SLAMF7: variants seen among roughly 807,000 people sequenced by gnomAD.
The protein encoded by SLAMF7 is 19A24 protein.
In SLAMF7, 26 loss-of-function variants were observed where a neutral mutation model predicts 34.1. The observed-to-expected ratio is 0.76, with a 90% confidence interval of 0.56 to 1.06. The LOEUF is 1.06. Among genes scored for constraint, SLAMF7 ranks in the 50% least tolerant of loss-of-function variants. SLAMF7 has a pLI of 0.00. For missense variants in SLAMF7, 399 were observed against 402.5 expected (o/e 0.99, Z 0.07); for synonymous variants, 171 against 156.4 (o/e 1.09, Z -0.70).
intron 1 of SLAMF7, among the ~76,000 whole-genome samples, chr1:160,744,846 A>G (rs1056707368): frequency 2.0e-5 from 3 of 152,184 alleles, no homozygotes; most frequent in African/African-American, 7.2e-5. Flanking sequence ...GCATTAACTG[A>G]TCAAAATTTC....
Position 160,751,394 on chromosome 1 carries a change from C to G in SLAMF7, c.819C>G (p.Asn273Lys). ...KRVDICRETP[N>K]ICPHSGENTE... ...TGGACATTTGTCGGGAAACTCCTAACATATGCCCCCATTCTGGAGAGAACA... is the reference window on the plus strand; with the variant it reads ...TGGACATTTGTCGGGAAACTCCTAAGATATGCCCCCATTCTGGAGAGAACA... Residue 273 changes from asparagine to lysine, a missense_variant, in exon 5 of 7, where the codon AAC becomes AAG. Transcript: ENST00000368043. 6.2e-7 allele frequency: 1 copy of G among 1,613,976 alleles called. No homozygotes were observed. The highest frequency in any genetic ancestry group is 1.1e-5 in the South Asian group (1 of 91,076).
chr1:160,751,272 G>A (rs756957347), intron 4 of SLAMF7, 73 bp from the exon 5 acceptor site: 96 of 1,129,448 alleles, frequency 8.5e-5, no homozygotes, highest in Non-Finnish European at 1.2e-4. Context: ...GGTCATCCAG[G>A]AGAAATGGTG....
rs1350973512 is a variant in SLAMF7 at position 160,748,371 on chromosome 1, G to A, written c.233G>A (p.Arg78Lys). The A allele has an allele frequency of 6.2e-7, 1 of 1,614,088 alleles. No homozygotes were observed. Among genetic ancestry groups the A allele is most frequent in the Non-Finnish European group, 8.5e-7 (1 of 1,179,984 alleles). Residue 78 changes from arginine (R) to lysine (K), a missense_variant, in exon 2 of 7, where the codon AGG becomes AAG. Transcript: ENST00000368043. Reference sequence around the variant, plus strand: ...ATCATAGTGACCCAAAATCGTAATAGGGAGAGAGTAGACTTCCCAGATGGA... The same window carrying A: ...ATCATAGTGACCCAAAATCGTAATAAGGAGAGAGTAGACTTCCCAGATGGA... ...GTIIVTQNRN[R>K]ERVDFPDGGY...
intron 5 of SLAMF7, chr1:160,751,967 A>C: frequency 5.3e-6 from 2 of 379,398 alleles, no homozygotes; most frequent in Non-Finnish European, 9.6e-6. Flanking sequence ...AAAATAATGT[A>C]ATGGCTTCCT....
In SLAMF7 at chr1:160,753,411, A is replaced by C; in HGVS notation, c.*234A>C. The stretch of plus-strand genomic sequence containing the variant: ...AAGGTTTAATCACTTCATCCCAAAA[A>C]TGGGATTGTGAATGTCAGCAAACCA... On this transcript the variant is annotated 3_prime_UTR_variant, in exon 7 of 7. Coordinates refer to ENST00000368043, the MANE Select transcript of SLAMF7 (RefSeq NM_021181.5). 7.7e-6 allele frequency: 4 copies of C among 522,210 alleles called. No individual in the cohort carries two copies. The highest frequency in any genetic ancestry group is 1.0e-5 in the Non-Finnish European group (3 of 294,338). 32.3% of individuals were successfully genotyped at this position (522,210 alleles called of 1,614,324 possible).
At chr1:160,745,547 A>G (rs73015929) in intron 1 of SLAMF7, among the ~76,000 whole-genome samples, 1,697 of 152,198 alleles carry the variant, frequency 0.011, 36 homozygotes, top group African/African-American at 0.039. Context: ...TTGAATCTCA[A>G]TTTTCTCATG....
In SLAMF7 at chr1:160,750,432, T is replaced by A; in HGVS notation, c.769+9T>A. ...GAGAGAGAGACAAGAAGGTAGAGCG[T>A]GTACTATTTTTGTCCTCACCCACAT... is the stretch of plus-strand genomic sequence containing the variant. On this transcript the variant is annotated intron_variant, in intron 4 of 6. Transcript: ENST00000368043. 6.2e-7 allele frequency: 1 copy of A among 1,612,220 alleles called. No individual in the cohort carries two copies. The highest frequency in any genetic ancestry group is 8.5e-7 in the Non-Finnish European group (1 of 1,179,182).
chr1:160,739,352 C>G lies in SLAMF7; in HGVS notation c.51C>G (p.Leu17=), dbSNP rs1663547546. 1.2e-6 allele frequency: 2 copies of G among 1,613,180 alleles called. No individual in the cohort carries two copies. Among genetic ancestry groups the G allele is most frequent in the Admixed American group, 3.3e-5 (2 of 59,864 alleles). The part of the protein sequence containing the change: ...CLTLIYILWQ[L]TGSAASGPVK... ...CCCTCATCTATATCCTTTGGCAGCT[C>G]ACAGGTGAGTCCGGCCGGATTCTCT... The change falls in exon 1 of 7, where the codon CTC becomes CTG. Residue 17 remains leucine (L), a synonymous_variant. Transcript: ENST00000368043.
chr1:160,750,336 C>T lies in SLAMF7; in HGVS notation c.682C>T (p.Leu228Phe), dbSNP rs934392346. ...AADDPDSSMV[L>F]LCLLLVPLLL... ...TGATGACCCAGATTCCTCCATGGTC[C>T]TCCTGTGTCTCCTGTTGGTGCCCCT... is the stretch of plus-strand genomic sequence containing the variant. Residue 228 changes from leucine to phenylalanine, a missense_variant, in exon 4 of 7, where the codon CTC becomes TTC. By Grantham distance (22) the Leu-to-Phe change is conservative (BLOSUM62 0). Coordinates refer to ENST00000368043, the MANE Select transcript of SLAMF7 (RefSeq NM_021181.5). The T allele has an allele frequency of 2.5e-6, 4 of 1,614,004 alleles. No individual in the cohort carries two copies. The highest frequency in any genetic ancestry group is 3.3e-4 in the Middle Eastern group (2 of 6,080).
At chr1:160,746,397 G>T (rs1248108724) in intron 1 of SLAMF7, among the ~76,000 whole-genome samples, 1 of 152,142 alleles carries the variant, frequency 6.6e-6, no homozygotes, top group African/African-American at 2.4e-5. Flanking sequence ...CTATAGCTTG[G>T]CTGTTTTGTT....
In SLAMF7 at chr1:160,751,407, T is replaced by C; in HGVS notation, c.832T>C (p.Ser278Pro). ...CRETPNICPH[S>P]GENTEYDTIP... ...GGAAACTCCTAACATATGCCCCCAT[T>C]CTGGAGAGAACACAGAGTACGACAC... is the stretch of plus-strand genomic sequence containing the variant. The change falls in exon 5 of 7, where the codon TCT becomes CCT. Residue 278 changes from serine to proline, a missense_variant. Coordinates refer to ENST00000368043, the MANE Select transcript of SLAMF7 (RefSeq NM_021181.5). 4 of 1,613,944 alleles carry C rather than the reference T, an allele frequency of 2.5e-6. No individual in the cohort carries two copies. The highest frequency in any genetic ancestry group is 3.4e-6 in the Non-Finnish European group (4 of 1,179,860).
chr1:160,741,353 A>G (rs115391465), intron 1 of SLAMF7, among the ~76,000 whole-genome samples: 2,247 of 152,288 alleles, frequency 0.015, 71 homozygotes, highest in African/African-American at 0.051. Flanking sequence ...GAGATGAGTG[A>G]GGAGCAGAGT....
In SLAMF7 at chr1:160,753,448, C is replaced by A; in HGVS notation, c.*271C>A. 2.1e-6 allele frequency: 1 copy of A among 476,898 alleles called. No individual in the cohort carries two copies. The highest frequency in any genetic ancestry group is 2.8e-5 in the South Asian group (1 of 35,508). 29.5% of individuals were successfully genotyped at this position (476,898 alleles called of 1,614,324 possible). ...ATGTCAGCAAACCATAAAAAAAGTG[C>A]TTAGAAGTATTCCTATAAAAATGTA... On this transcript the variant is annotated 3_prime_UTR_variant, in exon 7 of 7. Transcript: ENST00000368043.
intron 4 of SLAMF7, 28 bp from the exon 5 acceptor site, chr1:160,751,317 C>T (rs1215776232): frequency 1.3e-6 from 2 of 1,537,524 alleles, no homozygotes; most frequent in Middle Eastern, 1.7e-4. Flanking sequence ...GGAGAGGTGG[C>T]TTTGATTCTC....
Position 160,753,089 on chromosome 1 carries a change from T to C in SLAMF7, c.937-17T>C, listed in dbSNP as rs1242837331. 1 of 1,612,976 alleles carries C rather than the reference T, an allele frequency of 6.2e-7. No homozygotes were observed. Among genetic ancestry groups the C allele is most frequent in the Non-Finnish European group, 8.5e-7 (1 of 1,179,416 alleles). Reference sequence around the variant, plus strand: ...TGCTCACCTCCCTCACTCTACTTTCTTTTTGTCTGTCTTCAGATGGAAAAT... The same window carrying C: ...TGCTCACCTCCCTCACTCTACTTTCCTTTTGTCTGTCTTCAGATGGAAAAT... On this transcript the variant is annotated splice_polypyrimidine_tract_variant and intron_variant, in intron 6 of 6. Transcript: ENST00000368043.
At chr1:160,743,085 T>C (rs746210304) in intron 1 of SLAMF7, among the ~76,000 whole-genome samples, 4 of 152,342 alleles carry the variant, frequency 2.6e-5, no homozygotes, top group Non-Finnish European at 5.9e-5. Flanking sequence ...TTGGGTGATC[T>C]GGCCTCTAAT....
rs545639109 is a variant in SLAMF7 at position 160,754,097 on chromosome 1, G to A, written c.*920G>A. On this transcript the variant is annotated 3_prime_UTR_variant, in exon 7 of 7. Coordinates refer to ENST00000368043, the MANE Select transcript of SLAMF7 (RefSeq NM_021181.5). ...TCAGGCAGTGAGACTGGTGGGGCACGGGGGGCAGTGGGTACTTGTAAACCT... is the reference window on the plus strand; with the variant it reads ...TCAGGCAGTGAGACTGGTGGGGCACAGGGGGCAGTGGGTACTTGTAAACCT... The A allele has an allele frequency of 1.0e-3, 158 of 152,690 alleles. No individual in the cohort carries two copies. Among genetic ancestry groups the A allele is most frequent in the Non-Finnish European group, 1.8e-3 (125 of 68,172 alleles). 9.5% of individuals were successfully genotyped at this position (152,690 alleles called of 1,614,324 possible).
rs375930573 is a variant in SLAMF7, at chr1:160,749,975, G to A, written c.531G>A (p.Gly177=). 6.2e-7 allele frequency: 1 copy of A among 1,614,126 alleles called. No homozygotes were observed. Among genetic ancestry groups the A allele is most frequent in the Non-Finnish European group, 8.5e-7 (1 of 1,179,974 alleles). Residue 177 remains glycine, a synonymous_variant, in exon 3 of 7, where the codon GGG becomes GGA. Coordinates refer to ENST00000368043, the MANE Select transcript of SLAMF7 (RefSeq NM_021181.5). Reference sequence around the variant, plus strand: ...AAGCAGCCAATGAGTCCCATAATGGGTCCATCCTCCCCATCTCCTGGAGAT... The same window carrying A: ...AAGCAGCCAATGAGTCCCATAATGGATCCATCCTCCCCATCTCCTGGAGAT... The part of the protein sequence containing the change: ...LGQAANESHN[G]SILPISWRWG...
In SLAMF7 at chr1:160,748,424, A is replaced by G; in HGVS notation, c.286A>G (p.Lys96Glu). 3.1e-6 allele frequency: 5 copies of G among 1,614,088 alleles called. No individual in the cohort carries two copies. The highest frequency in any genetic ancestry group is 4.2e-6 in the Non-Finnish European group (5 of 1,179,956). ...CTACTCCCTGAAGCTCAGCAAACTG[A>G]AGAAGAATGACTCAGGGATCTACTA... ...GGYSLKLSKLKKNDSGIYYVG... is the reference protein window; with the variant it reads ...GGYSLKLSKLEKNDSGIYYVG... The change falls in exon 2 of 7, where the codon AAG becomes GAG. Residue 96 changes from lysine to glutamate, a missense_variant. Transcript: ENST00000368043.
Sources: gnomAD v4.1 joint callset for allele counts (sites outside exome capture counted in the v4.1 genomes callset) on GRCh38, gnomAD v4.1.1 for gene constraint, MANE v1.5 for transcripts, NCBI Gene and HGNC (gene_info 2026-07-23, HGNC 2026-07-21) for gene names.